COBL: variants seen among roughly 807,000 people sequenced by gnomAD.
COBL encodes cordon-bleu WH2 repeat protein.
Under a neutral mutation model 98.8 loss-of-function variants are expected in COBL, and 51 were observed. That is an observed-to-expected ratio of 0.52 (90% confidence interval 0.41 to 0.65). The LOEUF is 0.65. COBL is among the 30% of genes least tolerant of loss of function. The pLI is 0.00. For synonymous variants in COBL, 634 were observed against 651.7 expected, an observed-to-expected ratio of 0.97 and a Z score of 0.41; for missense variants, 1,617 against 1,617.5, an observed-to-expected ratio of 1.00 and a Z score of 0.01.
In COBL at chr7:51,179,106, A is replaced by AT. The variant is rs140177019; in HGVS notation, c.783+4995dup. On this transcript the variant is annotated intron_variant, in intron 5 of 12. Coordinates refer to ENST00000265136, the MANE Select transcript of COBL (RefSeq NM_015198.5). ...TCTCACATTGAACTAACTTTTGGAG[A>AT]TTAGGGCTCCTGGAAATCCAAACAG... Among the ~76,000 whole-genome samples the AT allele has an allele frequency of 1.6e-4, 25 of 152,320 alleles. No individual in the cohort carries two copies. The East Asian group carries it at 4.8e-3, about 29-fold the overall frequency.
At position 51,254,151 on chromosome 7, in the gene COBL, A is replaced by G. The variant is rs114190286; in HGVS notation, c.42-34207T>C. On this transcript the variant is annotated intron_variant, in intron 1 of 12. Coordinates refer to ENST00000265136, the MANE Select transcript of COBL (RefSeq NM_015198.5). ...TCTTGCACAAAGATATATACCATAA[A>G]CAATTTCCATGTCCCCTCTTCATTG... is the stretch of plus-strand genomic sequence containing the variant. Among the ~76,000 whole-genome samples the G allele has an allele frequency of 7.5e-3, 1,145 of 152,274 alleles. 15 individuals carry two copies. Among genetic ancestry groups the G allele is most frequent in the African/African-American group, 0.027 (1,112 of 41,552 alleles).
chr7:51,209,067 A>C (rs1159857410), intron 2 of COBL, among the ~76,000 whole-genome samples: 39 of 42,542 alleles, frequency 9.2e-4, no homozygotes, highest in Non-Finnish European at 1.5e-3. Flanking sequence ...AAAAAAAAAA[A>C]AAAAACATTT....
At chr7:51,219,520 G>A (rs1793412427) in intron 2 of COBL, among the ~76,000 whole-genome samples, 1 of 152,184 alleles carries the variant, frequency 6.6e-6, no homozygotes, top group Non-Finnish European at 1.5e-5. Flanking sequence ...TAAGCATCTG[G>A]TGAGCCATCA....
chr7:51,234,584 C>G (rs905081871), intron 1 of COBL, among the ~76,000 whole-genome samples: 2 of 151,844 alleles, frequency 1.3e-5, no homozygotes, highest in Non-Finnish European at 2.9e-5. Context: ...GCCTGTAGCC[C>G]CAACTATTCT....
chr7:51,127,671 A>G (rs1798344858), intron 6 of COBL, among the ~76,000 whole-genome samples: 1 of 152,140 alleles, frequency 6.6e-6, no homozygotes, highest in Non-Finnish European at 1.5e-5. Context: ...AGAAGCTGAA[A>G]AGTCTGGGGG....
intron 1 of COBL, 50 bp from the exon 2 acceptor site, chr7:51,219,994 T>C (rs375855917): frequency 1.3e-6 from 2 of 1,547,484 alleles, no homozygotes; most frequent in Non-Finnish European, 1.8e-6. Flanking sequence ...TGTTCCTACC[T>C]GCCTCGGAAT....
At chr7:51,143,094 T>C (rs1784695743) in intron 5 of COBL, among the ~76,000 whole-genome samples, 1 of 152,074 alleles carries the variant, frequency 6.6e-6, no homozygotes, top group Non-Finnish European at 1.5e-5. Context: ...AGTTAAGTCA[T>C]AATGTGCAGC....
intron 1 of COBL, among the ~76,000 whole-genome samples, chr7:51,265,941 T>C (rs1001195189): frequency 6.6e-6 from 1 of 152,184 alleles, no homozygotes; most frequent in Admixed American, 6.5e-5. Flanking sequence ...ATCGATGTGA[T>C]CCAGTGAATT....
rs149533572 is a variant in COBL, at chr7:51,210,277, ATTG to A, written c.245+9461_245+9463del. On this transcript the variant is annotated intron_variant, in intron 2 of 12. Coordinates refer to ENST00000265136, the MANE Select transcript of COBL (RefSeq NM_015198.5). ...CAACAACCCACCTGCCCAAATTTAA[ATTG>A]GGGGGAGGCAAAACTCCACCCCCAA... Among the ~76,000 whole-genome samples the A allele has an allele frequency of 9.1e-3, 1,392 of 152,192 alleles. 17 individuals carry two copies. The highest frequency in any genetic ancestry group is 0.032 in the African/African-American group (1,312 of 41,516).
chr7:51,173,625 G>A (rs1211376019), intron 5 of COBL, among the ~76,000 whole-genome samples: 1 of 152,146 alleles, frequency 6.6e-6, no homozygotes, highest in African/African-American at 2.4e-5. Flanking sequence ...TGGTGCAATT[G>A]GAAAATTCAA....
chr7:51,158,404 C>T (rs186656839), intron 5 of COBL, among the ~76,000 whole-genome samples: 2 of 151,890 alleles, frequency 1.3e-5, no homozygotes, highest in East Asian at 3.9e-4. Flanking sequence ...CTCACTCACA[C>T]GCGTCCACAG....
chr7:51,132,994 G>A (rs1384172830), intron 6 of COBL, among the ~76,000 whole-genome samples: 1 of 152,152 alleles, frequency 6.6e-6, no homozygotes, highest in Non-Finnish European at 1.5e-5. Context: ...ATTTCAACAT[G>A]AGATTTGGAG....
In COBL at chr7:51,220,393, C is replaced by T. The variant is rs75374424; in HGVS notation, c.42-449G>A. On this transcript the variant is annotated intron_variant, in intron 1 of 12. Coordinates refer to ENST00000265136, the MANE Select transcript of COBL (RefSeq NM_015198.5). ...TGGCCAGTTCTGAGGATCTGGAGTC[C>T]ATGGATCCATGATCTCGAGGATGTG... Among the ~76,000 whole-genome samples, 1,247 of 152,260 alleles carry T rather than the reference C, an allele frequency of 8.2e-3. 65 individuals carry two copies. The South Asian group carries it at 0.14, about 17-fold the overall frequency.
intron 5 of COBL, among the ~76,000 whole-genome samples, chr7:51,165,543 G>A (rs28793102): frequency 1.3e-5 from 2 of 151,944 alleles, no homozygotes; most frequent in Non-Finnish European, 2.9e-5. Flanking sequence ...CCCAATTTCA[G>A]CACTGGACAG....
intron 1 of COBL, among the ~76,000 whole-genome samples, chr7:51,264,145 C>T (rs546484070): frequency 7.2e-5 from 11 of 152,244 alleles, no homozygotes; most frequent in Admixed American, 5.9e-4. Context: ...CAATCGCAGC[C>T]CCCAAGCCTC....
At chr7:51,149,415 C>T (rs1241253641) in intron 5 of COBL, among the ~76,000 whole-genome samples, 1 of 152,162 alleles carries the variant, frequency 6.6e-6, no homozygotes. Flanking sequence ...CAAGCAAAAC[C>T]CCATCCCTAC....
intron 1 of COBL, among the ~76,000 whole-genome samples, chr7:51,221,150 G>A (rs1793602865): frequency 6.6e-6 from 1 of 152,170 alleles, no homozygotes; most frequent in African/African-American, 2.4e-5. Context: ...CTCAGACCTG[G>A]CTGACTCCAG....
chr7:51,193,444 T>C lies in COBL; in HGVS notation c.391A>G (p.Thr131Ala). Residue 131 changes from threonine to alanine, a missense_variant, in exon 3 of 13, where the codon ACT becomes GCT. By Grantham distance (58) the Thr-to-Ala change is moderately conservative. Around this residue, in one of 3 missense-constraint regions of COBL, gnomAD observed 238 missense variants for 215.0 expected, o/e 1.11. Coordinates refer to ENST00000265136, the MANE Select transcript of COBL (RefSeq NM_015198.5). ...GGAACTTTTTCTTTCAGAAACACAG[T>C]ATGCACATTCAGGGTCCCAATCAAA... is the stretch of plus-strand genomic sequence containing the variant. ...NTLIGTLNVHTVFLKEKVPEE... is the reference protein window; with the variant it reads ...NTLIGTLNVHAVFLKEKVPEE... The C allele has an allele frequency of 1.2e-6, 2 of 1,614,180 alleles. No homozygotes were observed. The highest frequency in any genetic ancestry group is 1.7e-6 in the Non-Finnish European group (2 of 1,180,024).
chr7:51,258,949 T>C (rs1192462278), intron 1 of COBL, among the ~76,000 whole-genome samples: 2 of 152,150 alleles, frequency 1.3e-5, no homozygotes, highest in African/African-American at 4.8e-5. Flanking sequence ...CATCTATTAG[T>C]ACCAGCCTCC....
Sources: gnomAD v4.1 joint callset for allele counts (sites outside exome capture counted in the v4.1 genomes callset) on GRCh38, gnomAD v4.1.1 for gene constraint, gnomAD v4.1.1 regional missense constraint, MANE v1.5 for transcripts, NCBI Gene and HGNC (gene_info 2026-07-23, HGNC 2026-07-21) for gene names.